DCLK2: variants seen among roughly 807,000 people sequenced by gnomAD.
The protein encoded by DCLK2 is serine/threonine-protein kinase DCLK2.
DCLK2 carries 31 observed loss-of-function variants against 78.4 expected under a neutral mutation model. That is an observed-to-expected ratio of 0.40 (90% CI 0.30 to 0.53). The LOEUF (loss-of-function observed/expected upper bound fraction) is 0.53. Ranked by LOEUF, DCLK2 falls within the 20% of genes least tolerant of loss-of-function variation. DCLK2 has a pLI of 0.61. For synonymous variants in DCLK2, 407 were observed against 374.9 expected (o/e 1.09, Z -0.99); for missense variants, 872 against 973.7 (o/e 0.90, Z 1.39).
At chr4:150,130,563 A>G (rs1313207218) in intron 2 of DCLK2, among the ~76,000 whole-genome samples, 6 of 152,144 alleles carry the variant, frequency 3.9e-5, no homozygotes, top group African/African-American at 1.4e-4. Context: ...ATAGTAGGAA[A>G]TAAGCTGGGA....
At chr4:150,250,733 T>G (rs988221706) in intron 15 of DCLK2, among the ~76,000 whole-genome samples, 4 of 151,636 alleles carry the variant, frequency 2.6e-5, no homozygotes, top group Non-Finnish European at 4.4e-5. Context: ...CCTCCTTGTT[T>G]CCTACCCAAC....
intron 5 of DCLK2, among the ~76,000 whole-genome samples, chr4:150,210,581 T>C (rs1438544211): frequency 6.8e-6 from 1 of 146,426 alleles, no homozygotes; most frequent in Non-Finnish European, 1.5e-5. Flanking sequence ...GGAGGTTGCA[T>C]TGAGCTGAGA....
intron 8 of DCLK2, among the ~76,000 whole-genome samples, chr4:150,226,566 G>A (rs567638440): frequency 3.9e-5 from 6 of 151,976 alleles, no homozygotes; most frequent in African/African-American, 1.4e-4. Flanking sequence ...TATGGTTTAC[G>A]TGATTAAAAT....
chr4:150,240,655 C>T (rs950984182), intron 12 of DCLK2, among the ~76,000 whole-genome samples, 179 bp downstream of exon 12: 19 of 148,894 alleles, frequency 1.3e-4, no homozygotes, highest in African/African-American at 1.7e-4. Context: ...TGCTAGATGA[C>T]GAGTTAGTGG....
chr4:150,157,126 A>C (rs1382029106), intron 2 of DCLK2, among the ~76,000 whole-genome samples: 2 of 150,630 alleles, frequency 1.3e-5, no homozygotes, highest in Non-Finnish European at 2.9e-5. Context: ...ACCGTGATGG[A>C]AAATACATTT....
intron 15 of DCLK2, among the ~76,000 whole-genome samples, chr4:150,250,846 TAA>T (rs1743745569): frequency 7.0e-6 from 1 of 141,982 alleles, no homozygotes; most frequent in Non-Finnish European, 1.5e-5. Flanking sequence ...GCCACACACA[TAA>T]CCCACATCCC....
chr4:150,095,040 T>TA (rs771960674), intron 1 of DCLK2, among the ~76,000 whole-genome samples: 1 of 152,242 alleles, frequency 6.6e-6, no homozygotes, highest in Non-Finnish European at 1.5e-5. Flanking sequence ...AAATAAATTG[T>TA]AATTATGAGA....
At chr4:150,190,640 G>A (rs1738383600) in intron 2 of DCLK2, among the ~76,000 whole-genome samples, 1 of 152,158 alleles carries the variant, frequency 6.6e-6, no homozygotes, top group Non-Finnish European at 1.5e-5. Context: ...CTGGGATGTG[G>A]AAAGGGGTTT....
intron 1 of DCLK2, among the ~76,000 whole-genome samples, chr4:150,095,737 A>G (rs1235519142): frequency 6.6e-6 from 1 of 152,192 alleles, no homozygotes; most frequent in African/African-American, 2.4e-5. Flanking sequence ...GATTTAACCA[A>G]TTTAAAAGCT....
intron 10 of DCLK2, among the ~76,000 whole-genome samples, chr4:150,238,233 T>C (rs1286995379): frequency 6.6e-6 from 1 of 152,228 alleles, no homozygotes; most frequent in Admixed American, 6.5e-5. Flanking sequence ...TAACTCTGCA[T>C]AATAGTGACT....
chr4:150,247,436 G>A (rs1743406169), intron 12 of DCLK2, among the ~76,000 whole-genome samples, 167 bp from the exon 13 acceptor site: 1 of 152,168 alleles, frequency 6.6e-6, no homozygotes. Context: ...TTATCTAAAA[G>A]GAGAAGTTCT....
intron 15 of DCLK2, chr4:150,253,991 C>T: frequency 1.2e-6 from 1 of 836,420 alleles, no homozygotes; most frequent in Non-Finnish European, 1.4e-6. Flanking sequence ...ATGGGTGAGG[C>T]CTTGGTTTCA....
At chr4:150,089,648 T>C (rs747297325) in intron 1 of DCLK2, among the ~76,000 whole-genome samples, 1 of 152,232 alleles carries the variant, frequency 6.6e-6, no homozygotes, top group Non-Finnish European at 1.5e-5. Flanking sequence ...AGTTACATTG[T>C]CACTTAAATG....
At position 150,238,988 on chromosome 4, in the gene DCLK2, G is replaced by A. The variant is rs151154181; in HGVS notation, c.1567-754G>A. On this transcript the variant is annotated intron_variant, in intron 10 of 15. Coordinates refer to ENST00000296550, the MANE Select transcript of DCLK2 (RefSeq NM_001040260.4). ...TTTCTGAACTAAACATGCTAGTGCC[G>A]TGGAGATCACCAAGTGCTTTGGTGG... 3.8e-3 allele frequency among the ~76,000 whole-genome samples: 583 copies of A among 152,254 alleles called. 3 individuals are homozygous for A. Among genetic ancestry groups the A allele is most frequent in the Middle Eastern group, 6.8e-3 (2 of 294 alleles).
chr4:150,140,564 C>T (rs1334420536), intron 2 of DCLK2, among the ~76,000 whole-genome samples: 1 of 152,182 alleles, frequency 6.6e-6, no homozygotes, highest in African/African-American at 2.4e-5. Context: ...TTTGCGGTAT[C>T]CATGAAGTGT....
At chr4:150,180,479 C>G (rs903740323) in intron 2 of DCLK2, among the ~76,000 whole-genome samples, 1 of 152,192 alleles carries the variant, frequency 6.6e-6, no homozygotes, top group Non-Finnish European at 1.5e-5. Context: ...TTGAAGATGA[C>G]TGAGTCCTAG....
intron 2 of DCLK2, among the ~76,000 whole-genome samples, chr4:150,172,765 G>GTTTT (rs1560832137): frequency 0.012 from 1,675 of 134,784 alleles, 47 homozygotes; most frequent in African/African-American, 0.043. Context: ...TTTTTTGGGG[G>GTTTT]GGGGGGGGAT....
At position 150,197,983 on chromosome 4, in the gene DCLK2, C is replaced by A. The variant is rs1237955672; in HGVS notation, c.860-19C>A. The stretch of plus-strand genomic sequence containing the variant: ...TTATTAAAACCAGATTTAGTTAATG[C>A]ACTTTTGTTCTTTTCTAGAATGTCG... On this transcript the variant is annotated intron_variant, in intron 3 of 15. Coordinates refer to ENST00000296550, the MANE Select transcript of DCLK2 (RefSeq NM_001040260.4). 3 of 1,593,580 alleles carry A rather than the reference C, an allele frequency of 1.9e-6. No individual in the cohort carries two copies. Among genetic ancestry groups the A allele is most frequent in the African/African-American group, 1.4e-5 (1 of 73,784 alleles).
chr4:150,229,444 G>A (rs142798958), intron 8 of DCLK2, among the ~76,000 whole-genome samples: 2 of 152,162 alleles, frequency 1.3e-5, no homozygotes, highest in South Asian at 4.1e-4. Context: ...GAGGTAAATG[G>A]GCAGACATTG....
Sources: gnomAD v4.1 joint callset for allele counts (sites outside exome capture counted in the v4.1 genomes callset) on GRCh38, gnomAD v4.1.1 for gene constraint, MANE v1.5 for transcripts, NCBI Gene and HGNC (gene_info 2026-07-23, HGNC 2026-07-21) for gene names.